Variants in FRAT1 observed in about 807,000 individuals in gnomAD.
FRAT1 encodes proto-oncogene FRAT1.
A neutral mutation model predicts 16.9 loss-of-function variants in FRAT1; 9 were observed. The observed-to-expected ratio is 0.53, with a 90% CI of 0.32 to 0.93. FRAT1 has a LOEUF of 0.93. FRAT1 is among the 40% of genes least tolerant of loss of function. The probability of loss-of-function intolerance (pLI) is 0.04; values close to 1 mark genes in which losing one functional copy is unlikely to be tolerated. For synonymous variants in FRAT1, 191 were observed against 202.1 expected (o/e 0.95, Z 0.46); for missense variants, 354 against 402.8 (o/e 0.88, Z 1.04).
In FRAT1 at chr10:97,319,488, G is replaced by A. The variant is rs764645871; in HGVS notation, c.35G>A (p.Gly12Asp). The A allele has an allele frequency of 2.7e-6, 4 of 1,473,940 alleles. No homozygotes were observed. Among genetic ancestry groups the A allele is most frequent in the African/African-American group, 2.9e-5 (2 of 68,490 alleles). The allele number at this position is 1,473,940 out of a possible 1,614,324, so 91.3% of individuals were successfully genotyped here. The change falls in exon 1 of 1, where the codon GGC becomes GAC. Residue 12 changes from glycine to aspartate, a missense_variant. Physicochemically the swap from Gly to Asp is moderately conservative, Grantham distance 94. Transcript: ENST00000371021. ...PCRREEEEEA[G>D]EEAEGEEEEE... ...CGGAGGGAGGAGGAAGAGGAAGCCG[G>A]CGAGGAGGCGGAGGGGGAGGAAGAG...
At position 97,319,796 on chromosome 10, in the gene FRAT1, C is replaced by G. The variant is rs1843442435; in HGVS notation, c.343C>G (p.Leu115Val). The change falls in exon 1 of 1, where the codon CTG becomes GTG. Residue 115 changes from leucine (L) to valine (V), a missense_variant. Leu to Val is a conservative substitution (Grantham distance 32). Coordinates refer to ENST00000371021, the MANE Select transcript of FRAT1 (RefSeq NM_005479.4). Reference protein sequence around the residue: ...PAPPGVLRCALGDRGRVRGRA... With the variant: ...PAPPGVLRCAVGDRGRVRGRA... ...GCCCCCTGGGGTCCTGCGCTGCGCC[C>G]TGGGGGACCGCGGCCGCGTGCGGGG... 3.7e-6 allele frequency: 5 copies of G among 1,341,198 alleles called. No individual in the cohort carries two copies. The highest frequency in any genetic ancestry group is 3.8e-6 in the Non-Finnish European group (4 of 1,056,958). 83.1% of individuals were successfully genotyped at this position (1,341,198 alleles called of 1,614,324 possible).
chr10:97,320,626 A>G lies in FRAT1; in HGVS notation c.*333A>G. 1 of 300,760 alleles carries G rather than the reference A, an allele frequency of 3.3e-6. No individual in the cohort carries two copies. The highest frequency in any genetic ancestry group is 6.4e-6 in the Non-Finnish European group (1 of 155,204). 18.6% of individuals were successfully genotyped at this position (300,760 alleles called of 1,614,324 possible). A position where few individuals can be genotyped will look rare whatever the true frequency, so the allele number is the denominator to read the frequency against. ...CCTCTCAGTGCCCTCCAGCCCCGCG[A>G]CCATGTGGCCACAATCCACGCTTCT... On this transcript the variant is annotated 3_prime_UTR_variant, in exon 1 of 1. Coordinates refer to ENST00000371021, the MANE Select transcript of FRAT1 (RefSeq NM_005479.4).
Position 97,319,553 on chromosome 10 carries a change from C to T in FRAT1, c.100C>T (p.Leu34=). The T allele has an allele frequency of 1.4e-6, 2 of 1,472,680 alleles. No homozygotes were observed. The highest frequency in any genetic ancestry group is 1.8e-6 in the Non-Finnish European group (2 of 1,114,274). 91.2% of individuals were successfully genotyped at this position (1,472,680 alleles called of 1,614,324 possible). ...CCTCCTACTGCAGCAGTCAGTGGCG[C>T]TGGGCAGCTCGGGCGAGGTGGACCG... is the stretch of plus-strand genomic sequence containing the variant. The part of the protein sequence containing the change: ...SFLLLQQSVA[L]GSSGEVDRLV... The change falls in exon 1 of 1, where the codon CTG becomes TTG. Residue 34 remains leucine (L), a synonymous_variant. Coordinates refer to ENST00000371021, the MANE Select transcript of FRAT1 (RefSeq NM_005479.4).
Sources: gnomAD v4.1 joint callset for allele counts on GRCh38, gnomAD v4.1.1 for gene constraint, MANE v1.5 for transcripts, NCBI Gene and HGNC (gene_info 2026-07-23, HGNC 2026-07-21) for gene names.